The following IMMP2L variants were observed in gnomAD, a reference collection of about 807,000 sequenced individuals.
The protein encoded by IMMP2L is inner mitochondrial membrane peptidase subunit 2.
Under a neutral mutation model 19.3 loss-of-function variants are expected in IMMP2L, and 18 were observed. The ratio of observed to expected loss-of-function variants is 0.93; its 90% confidence interval spans 0.64 to 1.38. IMMP2L has a LOEUF of 1.38. IMMP2L is among the 40% of genes most tolerant of loss of function. The pLI, the probability that IMMP2L is intolerant of heterozygous loss-of-function variation, is 0.00. For synonymous variants in IMMP2L, 76 were observed against 73.0 expected (o/e 1.04, Z -0.21); for missense variants, 233 against 218.2 (o/e 1.07, Z -0.43).
At chr7:110,952,109 C>G (rs1219265825) in intron 4 of IMMP2L, among the ~76,000 whole-genome samples, 1 of 152,044 alleles carries the variant, frequency 6.6e-6, no homozygotes, top group Admixed American at 6.6e-5. Context: ...CATGTCCTTT[C>G]CAAATACTTG....
At chr7:111,536,870 T>C (rs1039655525) in intron 1 of IMMP2L, among the ~76,000 whole-genome samples, 5 of 152,158 alleles carry the variant, frequency 3.3e-5, no homozygotes, top group African/African-American at 1.2e-4. Flanking sequence ...AAATGTACAA[T>C]GTTTTATTAA....
intron 5 of IMMP2L, among the ~76,000 whole-genome samples, chr7:110,833,984 A>T (rs2131397795): frequency 6.6e-6 from 1 of 152,262 alleles, no homozygotes; most frequent in African/African-American, 2.4e-5. Flanking sequence ...TAGATCAACT[A>T]AGTTATTTTC....
chr7:111,014,382 T>C (rs1180878174), intron 3 of IMMP2L, among the ~76,000 whole-genome samples: 3 of 151,980 alleles, frequency 2.0e-5, no homozygotes, highest in Admixed American at 2.0e-4. Context: ...TGTGTGTATA[T>C]ATATATACAC....
intron 3 of IMMP2L, among the ~76,000 whole-genome samples, chr7:111,185,977 A>G (rs575554563): frequency 6.6e-6 from 1 of 152,272 alleles, no homozygotes; most frequent in African/African-American, 2.4e-5. Context: ...CTTTGAAACT[A>G]TGATTGTTTA....
intron 4 of IMMP2L, among the ~76,000 whole-genome samples, chr7:110,942,319 T>G (rs1816815126): frequency 6.6e-6 from 1 of 151,906 alleles, no homozygotes; most frequent in Non-Finnish European, 1.5e-5. Context: ...GTGTCAAGAT[T>G]TACAACAAAT....
intron 5 of IMMP2L, among the ~76,000 whole-genome samples, chr7:110,846,046 A>G (rs1805626170): frequency 6.6e-6 from 1 of 152,152 alleles, no homozygotes; most frequent in Non-Finnish European, 1.5e-5. Flanking sequence ...AGTTTATGGT[A>G]TTTTGTTATA....
In IMMP2L at chr7:110,972,161, T is replaced by C. The variant is rs565218741; in HGVS notation, c.240-8596A>G. The stretch of plus-strand genomic sequence containing the variant: ...AGACTGGAATAGTATTAGCAAATTG[T>C]TTCCAGAAAAAAAAAAAATACATGA... On this transcript the variant is annotated intron_variant, in intron 3 of 5. Coordinates refer to ENST00000405709, the MANE Select transcript of IMMP2L (RefSeq NM_032549.4). 1.4e-4 allele frequency among the ~76,000 whole-genome samples: 21 copies of C among 150,532 alleles called. 1 individual carries two copies. The South Asian group carries it at 4.2e-3, about 30-fold the overall frequency.
chr7:110,679,176 G>A (rs996184396), intron 5 of IMMP2L, among the ~76,000 whole-genome samples: 3 of 151,978 alleles, frequency 2.0e-5, no homozygotes, highest in Non-Finnish European at 4.4e-5. Flanking sequence ...CAGGCCTCCG[G>A]GGGTATCTCC....
chr7:111,204,500 A>G (rs1325716800), intron 3 of IMMP2L, among the ~76,000 whole-genome samples: 2 of 152,178 alleles, frequency 1.3e-5, no homozygotes, highest in East Asian at 3.8e-4. Context: ...TATTATGTGT[A>G]TTAGCACATA....
intron 5 of IMMP2L, among the ~76,000 whole-genome samples, chr7:110,756,937 A>G (rs923738499): frequency 2.0e-5 from 3 of 151,990 alleles, no homozygotes; most frequent in Admixed American, 6.6e-5. Flanking sequence ...TTTTTAAGAG[A>G]ATGGTTTATA....
intron 1 of IMMP2L, among the ~76,000 whole-genome samples, chr7:111,551,648 A>AT (rs1349504070): frequency 2.0e-5 from 3 of 151,934 alleles, no homozygotes; most frequent in African/African-American, 7.3e-5. Context: ...TCAGGGACCT[A>AT]TAAGACAGGC....
At chr7:110,667,314 A>C (rs1791533999) in intron 5 of IMMP2L, among the ~76,000 whole-genome samples, 1 of 152,160 alleles carries the variant, frequency 6.6e-6, no homozygotes, top group African/African-American at 2.4e-5. Context: ...AATATATATA[A>C]ATTTACATCA....
intron 5 of IMMP2L, among the ~76,000 whole-genome samples, chr7:110,845,089 T>A (rs566429391): frequency 4.0e-4 from 61 of 152,278 alleles, no homozygotes; most frequent in Non-Finnish European, 6.9e-4. Context: ...AAAAAGCAGC[T>A]GCTTCCTTGC....
chr7:111,083,560 TAC>T (rs892794973), intron 3 of IMMP2L, among the ~76,000 whole-genome samples: 1 of 152,112 alleles, frequency 6.6e-6, no homozygotes, highest in African/African-American at 2.4e-5. Flanking sequence ...GAGAAGAAAA[TAC>T]AGTTTTAAGA....
intron 3 of IMMP2L, among the ~76,000 whole-genome samples, chr7:111,401,513 C>T (rs1365797000): frequency 6.6e-6 from 1 of 152,046 alleles, no homozygotes; most frequent in East Asian, 1.9e-4. Context: ...AATACCTTTC[C>T]AAATTTCAAT....
intron 4 of IMMP2L, among the ~76,000 whole-genome samples, chr7:110,909,301 A>G (rs1045553787): frequency 6.6e-6 from 1 of 152,198 alleles, no homozygotes; most frequent in Non-Finnish European, 1.5e-5. Context: ...TTAGGTGCCT[A>G]AATAAATAGT....
intron 3 of IMMP2L, among the ~76,000 whole-genome samples, chr7:111,106,849 A>G (rs1798605061): frequency 1.3e-5 from 2 of 151,802 alleles, no homozygotes; most frequent in Admixed American, 6.6e-5. Context: ...TCTCAATTTA[A>G]AAATAATTGG....
At chr7:111,016,890 T>G (rs1457682514) in intron 3 of IMMP2L, among the ~76,000 whole-genome samples, 4 of 89,898 alleles carry the variant, frequency 4.4e-5, no homozygotes, top group African/African-American at 9.4e-5. Context: ...ATATTATATA[T>G]AATATATATT....
At chr7:111,120,490 C>G (rs1179939426) in intron 3 of IMMP2L, among the ~76,000 whole-genome samples, 5 of 152,150 alleles carry the variant, frequency 3.3e-5, no homozygotes, top group African/African-American at 1.2e-4. Flanking sequence ...GTCCCTCCCA[C>G]AACACATGGG....
Sources: gnomAD v4.1 joint callset for allele counts (sites outside exome capture counted in the v4.1 genomes callset) on GRCh38, gnomAD v4.1.1 for gene constraint, MANE v1.5 for transcripts, NCBI Gene and HGNC (gene_info 2026-07-23, HGNC 2026-07-21) for gene names.